The following ASAP1 variants were observed in gnomAD, a reference collection of about 807,000 sequenced individuals.
ASAP1 encodes ArfGAP with SH3 domain, ankyrin repeat and PH domain 1, also known as arf-GAP with SH3 domain, ANK repeat and PH domain-containing protein 1.
A neutral mutation model predicts 145.2 loss-of-function variants in ASAP1; 43 were observed. That is an observed-to-expected ratio of 0.30 (90% confidence interval 0.23 to 0.38). The LOEUF (loss-of-function observed/expected upper bound fraction) is 0.38, where lower values mean the gene tolerates loss of function less well. ASAP1 is among the 10% of genes least tolerant of loss of function. The probability of loss-of-function intolerance (pLI) is 1.00; values close to 1 mark genes in which losing one functional copy is unlikely to be tolerated. For missense variants in ASAP1, 1,018 were observed against 1,355.3 expected (o/e 0.75, Z 3.91); for synonymous variants, 546 against 515.5 (o/e 1.06, Z -0.80).
intron 27 of ASAP1, among the ~76,000 whole-genome samples, chr8:130,071,009 G>GAGAGAGAGAGAGAGAGA (rs1450787966): frequency 1.4e-4 from 1 of 7,012 alleles, no homozygotes; most frequent in African/African-American, 9.1e-4. Context: ...GAGGGGAGGG[G>GAGAGAGAGAGAGAGAGA]GGGAGAGAGA....
At chr8:130,237,495 A>G (rs942883028) in intron 3 of ASAP1, among the ~76,000 whole-genome samples, 1 of 151,180 alleles carries the variant, frequency 6.6e-6, no homozygotes, top group Non-Finnish European at 1.5e-5. Context: ...GATTTCTTTT[A>G]GTGTTAAAAA....
chr8:130,147,503 T>A (rs1360924319), intron 13 of ASAP1, among the ~76,000 whole-genome samples: 1 of 152,242 alleles, frequency 6.6e-6, no homozygotes, highest in Non-Finnish European at 1.5e-5. Context: ...GCTGTGATCC[T>A]ACTTCAGCTC....
intron 13 of ASAP1, among the ~76,000 whole-genome samples, chr8:130,144,636 G>A (rs1030098595): frequency 1.3e-5 from 2 of 152,062 alleles, no homozygotes; most frequent in African/African-American, 2.4e-5. Flanking sequence ...CCAGATGCAC[G>A]TTCCAAATTC....
Position 130,160,794 on chromosome 8 carries a change from C to T in ASAP1, c.910-830G>A, listed in dbSNP as rs894667027. 2.3e-6 allele frequency: 3 copies of T among 1,284,386 alleles called. No individual in the cohort carries two copies. The African/African-American group carries it at 4.6e-5, about 20-fold the overall frequency. The allele number at this position is 1,284,386 out of a possible 1,614,324, so 79.6% of individuals were successfully genotyped here. ...AAAAGTATTGACTTACTCTCCTAGA[C>T]TTCGATCAGGAAGGGCAAAAGAAAC... On this transcript the variant is annotated intron_variant, in intron 11 of 29. Coordinates refer to ENST00000518721, the MANE Select transcript of ASAP1 (RefSeq NM_018482.4).
intron 13 of ASAP1, among the ~76,000 whole-genome samples, chr8:130,143,725 T>C (rs374198472): frequency 1.3e-5 from 2 of 152,348 alleles, no homozygotes; most frequent in East Asian, 1.9e-4. Flanking sequence ...TCCCAATTAA[T>C]GTTTCTGTGT....
intron 25 of ASAP1, chr8:130,083,217 ACT>A (rs2097485311): frequency 6.6e-6 from 1 of 152,004 alleles, no homozygotes; most frequent in Non-Finnish European, 1.5e-5. Flanking sequence ...ACTTAACCTT[ACT>A]CTTTGGCTTC....
intron 1 of ASAP1, among the ~76,000 whole-genome samples, chr8:130,424,305 A>T (rs908095433): frequency 7.2e-5 from 11 of 151,910 alleles, no homozygotes; most frequent in Non-Finnish European, 1.6e-4. Flanking sequence ...GCCCAGGAGG[A>T]CTCCGGCCCA....
intron 18 of ASAP1, among the ~76,000 whole-genome samples, chr8:130,121,730 G>C (rs888234856): frequency 2.5e-5 from 3 of 120,252 alleles, no homozygotes; most frequent in African/African-American, 9.3e-5. Flanking sequence ...GTTGCAGTGA[G>C]CAAAGATCGC....
intron 3 of ASAP1, among the ~76,000 whole-genome samples, chr8:130,327,118 T>C (rs1381285373): frequency 1.3e-5 from 2 of 152,202 alleles, no homozygotes; most frequent in Non-Finnish European, 2.9e-5. Context: ...AAGGTGTTGG[T>C]AGGGCACTCT....
In ASAP1 at chr8:130,311,775, A is replaced by AAAAAAAAAAAAAAC. The variant is rs796803091; in HGVS notation, c.186+46241_186+46242insGTTTTTTTTTTTTT. 1.5e-4 allele frequency among the ~76,000 whole-genome samples: 22 copies of AAAAAAAAAAAAAAC among 148,676 alleles called. 1 individual carries two copies. In the East Asian group the frequency reaches 1.8e-3, roughly 12 times the overall value. On this transcript the variant is annotated intron_variant, in intron 3 of 29. Transcript: ENST00000518721. ...AAACTCCGTCTCAAAAAAAAAAAAA[A>AAAAAAAAAAAAAAC]GGCAAAATAAGTGATATAGGTTACT...
At chr8:130,400,138 T>G (rs1828718189) in intron 2 of ASAP1, among the ~76,000 whole-genome samples, 1 of 152,142 alleles carries the variant, frequency 6.6e-6, no homozygotes, top group Non-Finnish European at 1.5e-5. Flanking sequence ...GTGTCTTGTG[T>G]GAGATCACAC....
intron 25 of ASAP1, among the ~76,000 whole-genome samples, chr8:130,090,567 C>T (rs2097503507): frequency 6.6e-6 from 1 of 152,180 alleles, no homozygotes; most frequent in African/African-American, 2.4e-5. Flanking sequence ...CCTTCCCTGG[C>T]TTTCCTCTAA....
At chr8:130,107,322 A>G (rs2097538614) in intron 24 of ASAP1, among the ~76,000 whole-genome samples, 2 of 151,322 alleles carry the variant, frequency 1.3e-5, no homozygotes, top group African/African-American at 4.9e-5. Context: ...AGCTGGGACT[A>G]CAGGCGTCCT....
intron 15 of ASAP1, among the ~76,000 whole-genome samples, chr8:130,131,018 G>A (rs1387432052): frequency 3.3e-5 from 5 of 152,160 alleles, no homozygotes; most frequent in African/African-American, 4.8e-5. Context: ...TTAGCCAGGC[G>A]TGGTGGCACG....
intron 28 of ASAP1, among the ~76,000 whole-genome samples, chr8:130,059,898 C>T (rs1322928130): frequency 6.6e-6 from 1 of 151,326 alleles, no homozygotes; most frequent in African/African-American, 2.4e-5. Flanking sequence ...GGCAACATGG[C>T]AAAACCCCAT....
chr8:130,356,493 T>C (rs1206507655), intron 3 of ASAP1, among the ~76,000 whole-genome samples: 2 of 152,102 alleles, frequency 1.3e-5, no homozygotes, highest in Non-Finnish European at 2.9e-5. Context: ...GGCAATTCTG[T>C]TTAATCCCAG....
chr8:130,119,141 G>A lies in ASAP1; in HGVS notation c.1608-466C>T, dbSNP rs143131859. 2.9e-3 allele frequency among the ~76,000 whole-genome samples: 438 copies of A among 152,166 alleles called. 1 individual carries two copies. The highest frequency in any genetic ancestry group is 0.01 in the African/African-American group (423 of 41,500). ...AAAATTTTTAAAAGGATCGGGTCTC[G>A]CTATGTTGCCCAGGCTGGTCTTGAA... On this transcript the variant is annotated intron_variant, in intron 18 of 29. Coordinates refer to ENST00000518721, the MANE Select transcript of ASAP1 (RefSeq NM_018482.4).
intron 23 of ASAP1, 159 bp from the exon 24 acceptor site, chr8:130,112,481 CA>C (rs2097548515): frequency 1.7e-6 from 1 of 601,832 alleles, no homozygotes; most frequent in African/African-American, 1.9e-5. Context: ...TGACACAGTA[CA>C]AGGGAAGGAT....
rs998003257 is a variant in ASAP1 at position 130,358,281 on chromosome 8, G to A, written c.60-138C>T. ...CCGCCCGGCCTGGCGCGCGGCTCCC[G>A]TCCCCGGCAGCGGCGAGAGGGAGGG... On this transcript the variant is annotated intron_variant, in intron 2 of 29. Coordinates refer to ENST00000518721, the MANE Select transcript of ASAP1 (RefSeq NM_018482.4). This position sits in a 1 kb window ranked among gnomAD's most constrained non-coding sequence, Gnocchi z 4.1. 1.8e-6 allele frequency: 1 copy of A among 548,118 alleles called. No individual in the cohort carries two copies. The highest frequency in any genetic ancestry group is 2.4e-6 in the Non-Finnish European group (1 of 413,768). The allele number at this position is 548,118 out of a possible 1,614,324, so 34.0% of individuals were successfully genotyped here.
Sources: allele counts gnomAD v4.1 joint callset (sites outside exome capture counted in the v4.1 genomes callset), GRCh38; gene constraint gnomAD v4.1.1; non-coding constraint Gnocchi (gnomAD v3.1); transcripts MANE v1.5; gene names NCBI Gene and HGNC (gene_info 2026-07-23, HGNC 2026-07-21).